The following RCN3 variants were observed in gnomAD, a reference collection of about 807,000 sequenced individuals.
RCN3 encodes reticulocalbin-3.
A neutral mutation model predicts 35.9 loss-of-function variants in RCN3; 41 were observed. The ratio of observed to expected loss-of-function variants is 1.14; its 90% CI spans 0.89 to 1.48. The LOEUF (loss-of-function observed/expected upper bound fraction) is 1.48. Ranked by LOEUF, RCN3 falls within the 40% of genes most tolerant of loss-of-function variation. RCN3 has a pLI of 0.00. For missense variants in RCN3, 451 were observed against 471.3 expected (o/e 0.96, Z 0.40); for synonymous variants, 187 against 193.4 (o/e 0.97, Z 0.27).
chr19:49,530,295 G>A (rs2080102094), intron 2 of RCN3, among the ~76,000 whole-genome samples: 1 of 150,898 alleles, frequency 6.6e-6, no homozygotes, highest in African/African-American at 2.4e-5. Flanking sequence ...GAGTAGCTGG[G>A]ACTATGGGTG....
rs565849243 is a variant in RCN3, at chr19:49,528,271, C to T, written c.-6-196C>T. 4.8e-5 allele frequency: 24 copies of T among 500,188 alleles called. No individual in the cohort carries two copies. The East Asian group carries it at 7.2e-4, about 15-fold the overall frequency. 31.0% of individuals were successfully genotyped at this position (500,188 alleles called of 1,614,324 possible). A position where few individuals can be genotyped will look rare whatever the true frequency, so the allele number is the denominator to read the frequency against. On this transcript the variant is annotated intron_variant, in intron 1 of 6. Transcript: ENST00000270645. The stretch of plus-strand genomic sequence containing the variant: ...TGAGACTCCGTCAGAAGATTCGGTC[C>T]TCCCCATAGGTGGCTTTACCTCTAA...
Position 49,528,481 on chromosome 19 carries a change from GC to G in RCN3, c.10del (p.Arg4AspfsTer11). 1 of 1,506,716 alleles carries G rather than the reference GC, an allele frequency of 6.6e-7. No homozygotes were observed. 93.3% of individuals were successfully genotyped at this position (1,506,716 alleles called of 1,614,324 possible). On this transcript the variant is annotated frameshift_variant, in exon 2 of 7. Coordinates refer to ENST00000270645, the MANE Select transcript of RCN3 (RefSeq NM_020650.3). Reference protein sequence around the residue: MMWRPSVLLLLLLL... With the variant: MMWXPSVLLLLLLL... ...CCACTCCCCAGGGACCGATGATGTG[GC>G]GACCATCAGTTCTGCTGCTTCTGTT...
chr19:49,529,460 C>T (rs1162523272), intron 2 of RCN3, among the ~76,000 whole-genome samples: 1 of 152,158 alleles, frequency 6.6e-6, no homozygotes, highest in Non-Finnish European at 1.5e-5. Flanking sequence ...CGCAGGGGGG[C>T]GCGATGGGAG....
rs11545135 is a variant in RCN3, at chr19:49,539,139, C to A, written c.639C>A (p.Asp213Glu). The A allele has an allele frequency of 1.9e-6, 3 of 1,609,488 alleles. No individual in the cohort carries two copies. The highest frequency in any genetic ancestry group is 2.5e-6 in the Non-Finnish European group (3 of 1,178,538). Residue 213 changes from aspartate (D) to glutamate (E), a missense_variant, in exon 5 of 7, where the codon GAC becomes GAA. Physicochemically the swap from Asp to Glu is conservative, Grantham distance 45. Transcript: ENST00000270645. ...TCCAGGAAACCCTGGAGGACCTGGACAGAAACAAAGATGGCTATGTCCAGG... is the reference window on the plus strand; with the variant it reads ...TCCAGGAAACCCTGGAGGACCTGGAAAGAAACAAAGATGGCTATGTCCAGG... The part of the protein sequence containing the change: ...IVIAETLEDL[D>E]RNKDGYVQVE...
Position 49,536,813 on chromosome 19 carries a change from C to T in RCN3, c.446-220C>T, listed in dbSNP as rs144489529. Among the ~76,000 whole-genome samples the T allele has an allele frequency of 4.3e-3, 646 of 151,854 alleles. 3 individuals are homozygous for T. The highest frequency in any genetic ancestry group is 0.015 in the African/African-American group (607 of 41,402). On this transcript the variant is annotated intron_variant, in intron 3 of 6. Transcript: ENST00000270645. ...TAGAGATGGGGTTTCGCCATGTTGG[C>T]CAGGCTGGTCTCAAACTCCTGACCT...
chr19:49,532,327 G>A (rs577249764), intron 2 of RCN3, among the ~76,000 whole-genome samples: 4 of 151,710 alleles, frequency 2.6e-5, no homozygotes. Flanking sequence ...GGATGGTCTC[G>A]ATCTCCTGAC....
intron 3 of RCN3, 60 bp downstream of exon 3, chr19:49,534,455 C>T: frequency 2.7e-6 from 4 of 1,508,430 alleles, no homozygotes; most frequent in Non-Finnish European, 3.5e-6. Flanking sequence ...TTCTGGACCG[C>T]CTCATTCTGA....
rs150082451 is a variant in RCN3, at chr19:49,542,568, C to A, written c.695C>A (p.Ala232Asp). Residue 232 changes from alanine (A) to aspartate (D), a missense_variant, in exon 6 of 7, where the codon GCC (alanine) becomes GAC (aspartate). By Grantham distance (126) the Ala-to-Asp change is moderately radical. Transcript: ENST00000270645. Reference sequence around the variant, plus strand: ...CGGCCCCCAGCGGATCTGTACTCAGCCGAGCCTGGGGAGGAGGAGCCGGCG... The same window carrying A: ...CGGCCCCCAGCGGATCTGTACTCAGACGAGCCTGGGGAGGAGGAGCCGGCG... ...VEEYIADLYSAEPGEEEPAWV... is the reference protein window; with the variant it reads ...VEEYIADLYSDEPGEEEPAWV... 2.9e-4 allele frequency: 459 copies of A among 1,601,080 alleles called. No homozygotes were observed. The highest frequency in any genetic ancestry group is 3.7e-4 in the Non-Finnish European group (437 of 1,174,604).
At position 49,543,167 on chromosome 19, in the gene RCN3, C is replaced by T; in HGVS notation, c.941C>T (p.Ala314Val). The T allele has an allele frequency of 6.2e-7, 1 of 1,614,092 alleles. No individual in the cohort carries two copies. Among genetic ancestry groups the T allele is most frequent in the Non-Finnish European group, 8.5e-7 (1 of 1,179,998 alleles). ...GNWNMFVGSQATNYGEDLTRH... is the reference protein window; with the variant it reads ...GNWNMFVGSQVTNYGEDLTRH... Reference sequence around the variant, plus strand: ...TGGAACATGTTTGTGGGCAGTCAGGCCACCAACTATGGCGAGGACCTGACC... The same window carrying T: ...TGGAACATGTTTGTGGGCAGTCAGGTCACCAACTATGGCGAGGACCTGACC... Residue 314 changes from alanine to valine, a missense_variant, in exon 7 of 7, where the codon GCC (alanine) becomes GTC (valine). Ala to Val is a moderately conservative substitution (Grantham distance 64, BLOSUM62 0). Coordinates refer to ENST00000270645, the MANE Select transcript of RCN3 (RefSeq NM_020650.3).
In RCN3 at chr19:49,537,114, A is replaced by G. The variant is rs2080139700; in HGVS notation, c.527A>G (p.Asp176Gly). Residue 176 changes from aspartate to glycine, a missense_variant, in exon 4 of 7, where the codon GAC becomes GGC. Physicochemically the swap from Asp to Gly is moderately conservative, Grantham distance 94. Coordinates refer to ENST00000270645, the MANE Select transcript of RCN3 (RefSeq NM_020650.3). ...ARDERRFRVADQDGDSMATRE... is the reference protein window; with the variant it reads ...ARDERRFRVAGQDGDSMATRE... ...GACGAGCGGCGTTTCCGGGTGGCCG[A>G]CCAGGATGGGGACTCGATGGCCACT... The G allele has an allele frequency of 6.3e-7, 1 of 1,598,508 alleles. No homozygotes were observed. The highest frequency in any genetic ancestry group is 8.5e-7 in the Non-Finnish European group (1 of 1,171,598).
intron 4 of RCN3, among the ~76,000 whole-genome samples, chr19:49,538,257 G>C (rs1388953602): frequency 6.6e-6 from 1 of 151,194 alleles, no homozygotes; most frequent in Non-Finnish European, 1.5e-5. Context: ...CTGCCTCCCG[G>C]GTTCACTCCA....
intron 3 of RCN3, among the ~76,000 whole-genome samples, chr19:49,534,809 G>C (rs1462963213): frequency 1.3e-5 from 2 of 151,932 alleles, no homozygotes; most frequent in Non-Finnish European, 1.5e-5. Flanking sequence ...TAGGGTACTT[G>C]AGATCCCTGG....
rs751720570 is a variant in RCN3, at chr19:49,543,220, C to T, written c.*7C>T. 2.3e-5 allele frequency: 36 copies of T among 1,598,034 alleles called. No individual in the cohort carries two copies. The highest frequency in any genetic ancestry group is 8.6e-5 in the Admixed American group (5 of 58,340). On this transcript the variant is annotated 3_prime_UTR_variant, in exon 7 of 7. Transcript: ENST00000270645. ...GCACCACGATGAGCTGTGAGCACCGCGCACCTGCCACAGCCTCAGAGGCCC... is the reference window on the plus strand; with the variant it reads ...GCACCACGATGAGCTGTGAGCACCGTGCACCTGCCACAGCCTCAGAGGCCC...
chr19:49,528,768 C>T (rs1357142546), intron 2 of RCN3, 54 bp downstream of exon 2: 3 of 1,460,206 alleles, frequency 2.1e-6, no homozygotes, highest in Non-Finnish European at 2.7e-6. Context: ...AGGAGAGAGA[C>T]GCGGGGGTAT....
At chr19:49,541,139 A>G (rs991548125) in intron 5 of RCN3, among the ~76,000 whole-genome samples, 2 of 151,978 alleles carry the variant, frequency 1.3e-5, no homozygotes, top group African/African-American at 4.8e-5. Flanking sequence ...CATTTTGGTC[A>G]GGCTGGTCTT....
intron 3 of RCN3, among the ~76,000 whole-genome samples, chr19:49,535,859 A>ATATATATAT (rs1555811302): frequency 1.6e-4 from 22 of 137,250 alleles, no homozygotes; most frequent in African/African-American, 6.4e-4. Context: ...CAAAAAAAAA[A>ATATATATAT]AAATATATAT....
intron 5 of RCN3, among the ~76,000 whole-genome samples, chr19:49,541,814 T>C (rs2080164009): frequency 6.6e-6 from 1 of 151,662 alleles, no homozygotes; most frequent in South Asian, 2.1e-4. Flanking sequence ...ACCCCGCCTC[T>C]ACTAAAAATA....
At chr19:49,534,496 GGC>G in intron 3 of RCN3, 101 bp downstream of exon 3, 1 of 1,277,652 alleles carries the variant, frequency 7.8e-7, no homozygotes, top group South Asian at 1.4e-5. Context: ...CGGAGTCCCT[GGC>G]CCCTAACCAG....
rs775910215 is a variant in RCN3 at position 49,542,763 on chromosome 19, G to A, written c.879+11G>A. 4 of 1,572,328 alleles carry A rather than the reference G, an allele frequency of 2.5e-6. No homozygotes were observed. The highest frequency in any genetic ancestry group is 2.3e-5 in the East Asian group (1 of 43,586). On this transcript the variant is annotated intron_variant, in intron 6 of 6. Transcript: ENST00000270645. The stretch of plus-strand genomic sequence containing the variant: ...AGCGACACGGACAAGGTGCAGTGAC[G>A]GGGCCTCGGCAGGAGCGAGGAGCGG...
Sources: allele counts gnomAD v4.1 joint callset (sites outside exome capture counted in the v4.1 genomes callset), GRCh38; gene constraint gnomAD v4.1.1; transcripts MANE v1.5; gene names NCBI Gene and HGNC (gene_info 2026-07-23, HGNC 2026-07-21).